The following CDC40 variants were observed in gnomAD, a reference collection of about 807,000 sequenced individuals.
The protein encoded by CDC40 is pre-mRNA-processing factor 17.
Under a neutral mutation model 80.6 loss-of-function variants are expected in CDC40, and 27 were observed. The ratio of observed to expected loss-of-function variants is 0.33; its 90% CI spans 0.25 to 0.46. The LOEUF (loss-of-function observed/expected upper bound fraction) is 0.46. Ranked by LOEUF, CDC40 falls within the 20% of genes least tolerant of loss-of-function variation. CDC40 has a pLI of 1.00. For synonymous variants in CDC40, 221 were observed against 232.6 expected (o/e 0.95, Z 0.45); for missense variants, 486 against 694.1 (o/e 0.70, Z 3.37).
intron 12 of CDC40, among the ~76,000 whole-genome samples, chr6:110,222,657 C>T (rs1777793367): frequency 6.6e-6 from 1 of 152,186 alleles, no homozygotes; most frequent in Non-Finnish European, 1.5e-5. Context: ...TTAGGTGCCT[C>T]CTCTCCATCG....
At chr6:110,210,538 C>T (rs990198893) in intron 5 of CDC40, among the ~76,000 whole-genome samples, 169 bp from the exon 6 acceptor site, 18 of 124,270 alleles carry the variant, frequency 1.4e-4, no homozygotes, top group African/African-American at 3.6e-4. Context: ...GGCGACAGTG[C>T]GAGACTCATC....
chr6:110,203,534 C>T (rs1358677417), intron 3 of CDC40, among the ~76,000 whole-genome samples: 1 of 152,100 alleles, frequency 6.6e-6, no homozygotes, highest in East Asian at 1.9e-4. Flanking sequence ...ATCTCATAAC[C>T]CTGGGCTATC....
At chr6:110,206,320 G>A (rs1198118462) in intron 3 of CDC40, among the ~76,000 whole-genome samples, 1 of 152,144 alleles carries the variant, frequency 6.6e-6, no homozygotes, top group Non-Finnish European at 1.5e-5. Flanking sequence ...CCTCTAGGAT[G>A]TGCCCTTTAG....
chr6:110,220,188 G>A (rs1777750437), intron 12 of CDC40, among the ~76,000 whole-genome samples: 1 of 151,996 alleles, frequency 6.6e-6, no homozygotes, highest in African/African-American at 2.4e-5. Flanking sequence ...TAAAATAACT[G>A]GCAAGCAGTA....
At position 110,215,462 on chromosome 6, in the gene CDC40, A is replaced by C. The variant is rs141446872; in HGVS notation, c.988+131A>C. ...GATTTCAGCTGAATCTGGAAGGAGG[A>C]GTCAGTGTCCCCAGTTAGACAAAGA... On this transcript the variant is annotated intron_variant, in intron 9 of 14. Coordinates refer to ENST00000307731, the MANE Select transcript of CDC40 (RefSeq NM_015891.3). The C allele has an allele frequency of 1.9e-4, 143 of 749,100 alleles. 1 individual carries two copies. In the African/African-American group the frequency reaches 2.1e-3, roughly 11 times the overall value. 46.4% of individuals were successfully genotyped at this position (749,100 alleles called of 1,614,324 possible).
At chr6:110,195,241 T>C (rs1349432741) in intron 2 of CDC40, among the ~76,000 whole-genome samples, 1 of 152,234 alleles carries the variant, frequency 6.6e-6, no homozygotes, top group Non-Finnish European at 1.5e-5. Context: ...GAGTATCCAT[T>C]GTTAGAAACA....
chr6:110,197,877 G>T (rs1777439050), intron 2 of CDC40, among the ~76,000 whole-genome samples: 1 of 152,110 alleles, frequency 6.6e-6, no homozygotes, highest in Non-Finnish European at 1.5e-5. Context: ...ATATCTCTTT[G>T]ACATGCTGAT....
At chr6:110,209,685 C>T (rs1267892473) in intron 5 of CDC40, among the ~76,000 whole-genome samples, 1 of 152,076 alleles carries the variant, frequency 6.6e-6, no homozygotes, top group Non-Finnish European at 1.5e-5. Context: ...CTCTGCCGTT[C>T]CCTTCCTCAC....
chr6:110,227,697 C>T (rs977735927), intron 13 of CDC40, among the ~76,000 whole-genome samples: 1 of 152,144 alleles, frequency 6.6e-6, no homozygotes, highest in African/African-American at 2.4e-5. Flanking sequence ...AACAATACAA[C>T]AATTAAAAAC....
intron 3 of CDC40, 68 bp downstream of exon 3, chr6:110,201,755 CTG>C: frequency 1.5e-6 from 2 of 1,322,220 alleles, no homozygotes; most frequent in South Asian, 2.8e-5. Context: ...GTGTGTTAGT[CTG>C]TTTTATCTTC....
At position 110,220,056 on chromosome 6, in the gene CDC40, C is replaced by A. The variant is rs529326849; in HGVS notation, c.1340+187C>A. Among the ~76,000 whole-genome samples the A allele has an allele frequency of 1.4e-4, 22 of 152,218 alleles. No homozygotes were observed. The East Asian group carries it at 2.3e-3, about 16-fold the overall frequency. ...ATGCAGATTAAATCCAAACATGCTA[C>A]CATTTATAATCTTTGGATAGTCTTT... On this transcript the variant is annotated intron_variant, in intron 12 of 14. Coordinates refer to ENST00000307731, the MANE Select transcript of CDC40 (RefSeq NM_015891.3).
intron 10 of CDC40, among the ~76,000 whole-genome samples, chr6:110,218,974 A>ATTTTCCTCTTCAT: frequency 6.6e-6 from 1 of 151,894 alleles, no homozygotes; most frequent in Non-Finnish European, 1.5e-5. Context: ...TTTTGTCATC[A>ATTTTCCTCTTCAT]TTTTCCTCTT....
intron 8 of CDC40, among the ~76,000 whole-genome samples, chr6:110,214,330 G>A (rs969467332): frequency 2.0e-4 from 31 of 152,222 alleles, no homozygotes; most frequent in African/African-American, 6.7e-4. Context: ...GCTTATAAAG[G>A]CACTGTCCCT....
At chr6:110,209,687 C>T (rs1777609611) in intron 5 of CDC40, among the ~76,000 whole-genome samples, 1 of 152,068 alleles carries the variant, frequency 6.6e-6, no homozygotes, top group African/African-American at 2.4e-5. Flanking sequence ...CTGCCGTTCC[C>T]TTCCTCACCT....
At chr6:110,183,546 G>A (rs1167346972) in intron 1 of CDC40, among the ~76,000 whole-genome samples, 4 of 152,190 alleles carry the variant, frequency 2.6e-5, no homozygotes, top group Non-Finnish European at 4.4e-5. Flanking sequence ...TGGGTTCTAT[G>A]AGAGCGTAGA....
intron 1 of CDC40, among the ~76,000 whole-genome samples, chr6:110,188,037 G>A (rs1777297766): frequency 6.6e-6 from 1 of 151,910 alleles, no homozygotes. Flanking sequence ...TATAATTTTA[G>A]CAGGAGTCAG....
chr6:110,184,918 A>G (rs1291628413), intron 1 of CDC40, among the ~76,000 whole-genome samples: 1 of 152,358 alleles, frequency 6.6e-6, no homozygotes, highest in African/African-American at 2.4e-5. Flanking sequence ...AGAGATTTTT[A>G]TATCTCTCAA....
intron 9 of CDC40, 28 bp from the exon 10 acceptor site, chr6:110,217,674 T>C (rs749456698): frequency 3.1e-6 from 3 of 974,712 alleles, no homozygotes; most frequent in East Asian, 4.8e-5. Context: ...CTTCACCTCA[T>C]TGCTGTTTCT....
intron 2 of CDC40, among the ~76,000 whole-genome samples, chr6:110,196,842 A>ATAAG (rs145972659): frequency 6.6e-6 from 1 of 151,838 alleles, no homozygotes; most frequent in Non-Finnish European, 1.5e-5. Flanking sequence ...TTTGCAGGAA[A>ATAAG]TAACAGACTC....
Sources: gnomAD v4.1 joint callset for allele counts (sites outside exome capture counted in the v4.1 genomes callset) on GRCh38, gnomAD v4.1.1 for gene constraint, MANE v1.5 for transcripts, NCBI Gene and HGNC (gene_info 2026-07-23, HGNC 2026-07-21) for gene names.